Variants in FHOD3 observed in about 807,000 individuals in gnomAD.
FHOD3 encodes the protein formin homology 2 domain containing 3, also known as FH1/FH2 domain-containing protein 3.
Under a neutral mutation model 173.0 loss-of-function variants are expected in FHOD3, and 90 were observed. The ratio of observed to expected loss-of-function variants is 0.52; its 90% confidence interval spans 0.44 to 0.62. The LOEUF (loss-of-function observed/expected upper bound fraction) is 0.62. Ranked by LOEUF, FHOD3 falls within the 20% of genes least tolerant of loss-of-function variation. FHOD3 has a pLI of 0.00. For missense variants in FHOD3, 1,945 were observed against 2,034.7 expected, an observed-to-expected ratio of 0.96 and a Z score of 0.85; for synonymous variants, 828 against 823.0, an observed-to-expected ratio of 1.01 and a Z score of -0.10.
At chr18:36,486,200 A>G in intron 3 of FHOD3, among the ~76,000 whole-genome samples, 1 of 152,150 alleles carries the variant, frequency 6.6e-6, no homozygotes, top group African/African-American at 2.4e-5. Flanking sequence ...TTCTGTCTAC[A>G]TCCACCACTT....
At chr18:36,394,871 C>A (rs182063058) in intron 3 of FHOD3, among the ~76,000 whole-genome samples, 1 of 152,144 alleles carries the variant, frequency 6.6e-6, no homozygotes, top group South Asian at 2.1e-4. Flanking sequence ...CTGGGAGATA[C>A]GTGTTGTATA....
intron 11 of FHOD3, 97 bp downstream of exon 11, chr18:36,649,502 T>C (rs966548858): frequency 6.8e-6 from 6 of 879,022 alleles, no homozygotes; most frequent in Non-Finnish European, 1.0e-5. Flanking sequence ...CCCTTCCTCA[T>C]TGACTCCCAC....
intron 3 of FHOD3, among the ~76,000 whole-genome samples, chr18:36,442,544 A>T (rs1034933566): frequency 5.9e-5 from 9 of 152,242 alleles, no homozygotes; most frequent in African/African-American, 1.9e-4. Flanking sequence ...ATTTTTAAGC[A>T]ATGAGGATTT....
At chr18:36,401,481 C>G (rs2048809124) in intron 3 of FHOD3, among the ~76,000 whole-genome samples, 1 of 152,122 alleles carries the variant, frequency 6.6e-6, no homozygotes, top group South Asian at 2.1e-4. Context: ...GGCAAGGATG[C>G]CTTTGTCAAC....
At chr18:36,653,799 A>C (rs2036228594) in intron 13 of FHOD3, among the ~76,000 whole-genome samples, 1 of 152,222 alleles carries the variant, frequency 6.6e-6, no homozygotes, top group South Asian at 2.1e-4. Flanking sequence ...ATTTCATCTT[A>C]GATTAATTAT....
chr18:36,777,827 C>T (rs1381618046), intron 28 of FHOD3: 3 of 152,148 alleles, frequency 2.0e-5, no homozygotes, highest in African/African-American at 7.2e-5. Context: ...AGAACAGCTA[C>T]AGATAGATTG....
chr18:36,589,703 G>A (rs1175577445), intron 6 of FHOD3, among the ~76,000 whole-genome samples: 1 of 152,178 alleles, frequency 6.6e-6, no homozygotes, highest in Non-Finnish European at 1.5e-5. Context: ...GCCGTGCAGA[G>A]CCTCCAGAGA....
At position 36,703,196 on chromosome 18, in the gene FHOD3, C is replaced by T. The variant is rs2039684254; in HGVS notation, c.2237-5899C>T. 2.6e-5 allele frequency among the ~76,000 whole-genome samples: 4 copies of T among 152,238 alleles called. No homozygotes were observed. In the South Asian group the frequency reaches 6.2e-4, roughly 24 times the overall value. ...AGAGTTGTGGCCAGAGGAGAGAGAC[C>T]AAGGGACAGAAACAGTGGCCTGACA... On this transcript the variant is annotated intron_variant, in intron 17 of 28. Coordinates refer to ENST00000590592, the MANE Select transcript of FHOD3 (RefSeq NM_001281740.3).
At chr18:36,635,878 T>C (rs930804521) in intron 10 of FHOD3, among the ~76,000 whole-genome samples, 1 of 152,112 alleles carries the variant, frequency 6.6e-6, no homozygotes, top group African/African-American at 2.4e-5. Flanking sequence ...TCTCATGAAA[T>C]GAAGAAACTG....
At chr18:36,361,981 A>G (rs17746090) in intron 2 of FHOD3, among the ~76,000 whole-genome samples, 44,865 of 152,162 alleles carry the variant, frequency 0.29, 7,064 homozygotes, top group African/African-American at 0.39. Context: ...GCAAGAATGA[A>G]GTAACTCCCA....
At position 36,780,131 on chromosome 18, in the gene FHOD3, ACTCTT is replaced by A. The variant is rs2043968043; in HGVS notation, c.*605_*609del. On this transcript the variant is annotated 3_prime_UTR_variant, in exon 29 of 29. Transcript: ENST00000590592. ...AGGCTCGCCTCTTCAGAATGGCAAA[ACTCTT>A]CTCAGTGTCCTCAGAAGCACCCTCG... The A allele has an allele frequency of 1.6e-6, 2 of 1,231,814 alleles. No individual in the cohort carries two copies. The highest frequency in any genetic ancestry group is 4.1e-5 in the South Asian group (1 of 24,310). 76.3% of individuals were successfully genotyped at this position (1,231,814 alleles called of 1,614,324 possible).
At chr18:36,536,447 G>A (rs1482877649) in intron 5 of FHOD3, among the ~76,000 whole-genome samples, 2 of 152,252 alleles carry the variant, frequency 1.3e-5, no homozygotes, top group Non-Finnish European at 2.9e-5. Flanking sequence ...AGCGCCCGCT[G>A]TGCCCATTTA....
intron 17 of FHOD3, among the ~76,000 whole-genome samples, chr18:36,694,037 T>C (rs980440859): frequency 2.0e-5 from 3 of 152,208 alleles, no homozygotes; most frequent in Non-Finnish European, 1.5e-5. Flanking sequence ...CGCGATGATA[T>C]TGTACACTGC....
chr18:36,434,117 G>A (rs1224189153), intron 3 of FHOD3, among the ~76,000 whole-genome samples: 1 of 152,126 alleles, frequency 6.6e-6, no homozygotes, highest in African/African-American at 2.4e-5. Flanking sequence ...CTTATTCACT[G>A]TGTACTCTTT....
chr18:36,387,707 C>A (rs948277552), intron 3 of FHOD3, among the ~76,000 whole-genome samples: 2 of 152,184 alleles, frequency 1.3e-5, no homozygotes, highest in Admixed American at 6.5e-5. Context: ...GTGCTAGATA[C>A]CTGAACTTCA....
At chr18:36,697,738 G>A (rs926664113) in intron 17 of FHOD3, among the ~76,000 whole-genome samples, 8 of 152,150 alleles carry the variant, frequency 5.3e-5, no homozygotes, top group Non-Finnish European at 1.2e-4. Context: ...TTAAAGTATG[G>A]GTAAATATGG....
intron 3 of FHOD3, among the ~76,000 whole-genome samples, chr18:36,467,820 C>T (rs936016741): frequency 6.6e-6 from 1 of 152,206 alleles, no homozygotes; most frequent in African/African-American, 2.4e-5. Context: ...TAACATTCAA[C>T]CCTCGACATG....
chr18:36,552,306 T>C (rs1162291231), intron 5 of FHOD3, among the ~76,000 whole-genome samples: 3 of 152,160 alleles, frequency 2.0e-5, no homozygotes, highest in African/African-American at 4.8e-5. Flanking sequence ...TTGTCTGTTA[T>C]GGGTGCATAG....
At chr18:36,699,520 T>A (rs1355364551) in intron 17 of FHOD3, among the ~76,000 whole-genome samples, 2 of 152,218 alleles carry the variant, frequency 1.3e-5, no homozygotes, top group Non-Finnish European at 2.9e-5. Context: ...AGTGGTACTT[T>A]GAATTTCCAG....
Sources: gnomAD v4.1 joint callset for allele counts (sites outside exome capture counted in the v4.1 genomes callset) on GRCh38, gnomAD v4.1.1 for gene constraint, MANE v1.5 for transcripts, NCBI Gene and HGNC (gene_info 2026-07-23, HGNC 2026-07-21) for gene names.